Variants in RAB11FIP3 observed in about 807,000 individuals in gnomAD.
RAB11FIP3 encodes rab11 family-interacting protein 3.
RAB11FIP3 carries 17 observed loss-of-function variants against 77.8 expected under a neutral mutation model. The ratio of observed to expected loss-of-function variants is 0.22; its 90% CI spans 0.15 to 0.33. The LOEUF (loss-of-function observed/expected upper bound fraction) is 0.33. Among genes scored for constraint, RAB11FIP3 ranks in the 10% least tolerant of loss-of-function variants. The pLI is 1.00. For synonymous variants in RAB11FIP3, 437 were observed against 448.2 expected (o/e 0.98, Z 0.31); for missense variants, 1,005 against 1,011.2 (o/e 0.99, Z 0.08).
At chr16:484,993 G>A (rs1488039463) in intron 4 of RAB11FIP3, among the ~76,000 whole-genome samples, 1 of 152,118 alleles carries the variant, frequency 6.6e-6, no homozygotes, top group Non-Finnish European at 1.5e-5. Flanking sequence ...GGCATGCAGA[G>A]ACCCTGCCAC....
chr16:511,056 C>G (rs969874873), intron 9 of RAB11FIP3, among the ~76,000 whole-genome samples: 2 of 142,038 alleles, frequency 1.4e-5, no homozygotes, highest in African/African-American at 5.5e-5. Flanking sequence ...GAGAAGTTCC[C>G]CGACGGCCCG....
intron 1 of RAB11FIP3, among the ~76,000 whole-genome samples, chr16:436,556 A>G (rs2055131366): frequency 6.6e-6 from 1 of 152,062 alleles, no homozygotes; most frequent in Non-Finnish European, 1.5e-5. Context: ...ATCTGAGCTC[A>G]CTGCAAGCTC....
chr16:522,245 AATATATATATATATAT>A lies in RAB11FIP3; in HGVS notation c.*1419_*1434del, dbSNP rs57161308. ...AAGAGAAAACTGTGTATACACATGA[AATATATATATATATAT>A]ATATATATATATGTATAATATATAA... is the stretch of plus-strand genomic sequence containing the variant. On this transcript the variant is annotated 3_prime_UTR_variant, in exon 14 of 14. Transcript: ENST00000262305. The A allele has an allele frequency of 7.4e-6, 1 of 134,688 alleles. No homozygotes were observed. The highest frequency in any genetic ancestry group is 1.6e-5 in the Non-Finnish European group (1 of 62,622). The allele number at this position is 134,688 out of a possible 1,614,324, so 8.3% of individuals were successfully genotyped here. A position where few individuals can be genotyped will look rare whatever the true frequency, so the allele number is the denominator to read the frequency against.
At chr16:480,052 C>T (rs545858008) in intron 3 of RAB11FIP3, among the ~76,000 whole-genome samples, 2 of 152,090 alleles carry the variant, frequency 1.3e-5, no homozygotes, top group East Asian at 1.9e-4. Context: ...TTTGGGAGGC[C>T]GAGGCAGGTG....
At chr16:496,392 G>A (rs931833717) in intron 5 of RAB11FIP3, among the ~76,000 whole-genome samples, 1 of 152,272 alleles carries the variant, frequency 6.6e-6, no homozygotes, top group African/African-American at 2.4e-5. Flanking sequence ...TGAGCATGAT[G>A]CATCAGTGCC....
chr16:517,955 G>A lies in RAB11FIP3; in HGVS notation c.1641-988G>A, dbSNP rs550133695. 5.9e-5 allele frequency among the ~76,000 whole-genome samples: 9 copies of A among 152,060 alleles called. No homozygotes were observed. In the East Asian group the frequency reaches 1.4e-3, roughly 23 times the overall value. ...AAATTAGCCGGGTGTGGTGGCAGTC[G>A]CCTGTAGTCCCAGCTACTCGGGAGG... is the stretch of plus-strand genomic sequence containing the variant. On this transcript the variant is annotated intron_variant, in intron 9 of 13. Transcript: ENST00000262305.
intron 2 of RAB11FIP3, among the ~76,000 whole-genome samples, chr16:469,310 G>A (rs965865944): frequency 1.2e-4 from 18 of 152,082 alleles, no homozygotes; most frequent in African/African-American, 4.3e-4. Flanking sequence ...TCCTGAACTC[G>A]TGATCTGCCC....
Position 470,422 on chromosome 16 carries a change from C to T in RAB11FIP3, c.809-873C>T, listed in dbSNP as rs1490925137. Among the ~76,000 whole-genome samples the T allele has an allele frequency of 2.6e-5, 4 of 152,340 alleles. No individual in the cohort carries two copies. In the East Asian group the frequency reaches 5.8e-4, roughly 22 times the overall value. On this transcript the variant is annotated intron_variant, in intron 2 of 13. Coordinates refer to ENST00000262305, the MANE Select transcript of RAB11FIP3 (RefSeq NM_014700.4). ...TGCTGGGATTACAGGCATAGGCCAC[C>T]GTGCCTGGCCCCAACCTTCACTTTT...
At chr16:497,334 C>G (rs2031222495) in intron 6 of RAB11FIP3, 1 of 1,304,052 alleles carries the variant, frequency 7.7e-7, no homozygotes, top group Non-Finnish European at 1.0e-6. Context: ...AAGATGGCAA[C>G]ATACACTTTT....
At chr16:501,892 T>C (rs9673199) in intron 6 of RAB11FIP3, among the ~76,000 whole-genome samples, 7,771 of 140,368 alleles carry the variant, frequency 0.055, 300 homozygotes, top group African/African-American at 0.12. Context: ...CCCCCCATTT[T>C]ATAGGCAAGG....
chr16:441,728 A>C (rs972015147), intron 1 of RAB11FIP3, among the ~76,000 whole-genome samples: 2 of 152,140 alleles, frequency 1.3e-5, no homozygotes, highest in Admixed American at 1.3e-4. Flanking sequence ...CACACCAGGC[A>C]CCCTTCCTTC....
rs199664282 is a variant in RAB11FIP3, at chr16:447,228, C to CTAG, written c.715-14176_715-14175insTAG. ...GCTGAGGCAGGAGGATCACTTGAGGCCAGGAATTTGAGGCTTCAGTGAGCT... is the reference window on the plus strand; with the variant it reads ...GCTGAGGCAGGAGGATCACTTGAGGCTAGCAGGAATTTGAGGCTTCAGTGAGCT... On this transcript the variant is annotated intron_variant, in intron 1 of 13. Transcript: ENST00000262305. Among the ~76,000 whole-genome samples the CTAG allele has an allele frequency of 4.9e-3, 751 of 152,114 alleles. 4 individuals are homozygous for CTAG. The highest frequency in any genetic ancestry group is 0.017 in the African/African-American group (719 of 41,518).
chr16:496,382 T>C (rs1414421891), intron 5 of RAB11FIP3, among the ~76,000 whole-genome samples: 1 of 152,248 alleles, frequency 6.6e-6, no homozygotes, highest in African/African-American at 2.4e-5. Flanking sequence ...GCAGGCGTTC[T>C]GAGCATGATG....
At chr16:428,100 CA>C (rs10669000) in intron 1 of RAB11FIP3, among the ~76,000 whole-genome samples, 9 of 143,718 alleles carry the variant, frequency 6.3e-5, no homozygotes, top group Admixed American at 6.9e-5. Flanking sequence ...GACTTCGTCT[CA>C]AAAAAAAAAA....
chr16:427,828 G>C (rs894105694), intron 1 of RAB11FIP3, among the ~76,000 whole-genome samples: 1 of 152,084 alleles, frequency 6.6e-6, no homozygotes, highest in Non-Finnish European at 1.5e-5. Flanking sequence ...GGTCGGGCGC[G>C]GTGGCTCATG....
In RAB11FIP3 at chr16:482,694, T is replaced by C. The variant is rs538233252; in HGVS notation, c.1073T>C (p.Met358Thr). ...GTGCCCTCTGAGTGCCTGGACGCCA[T>C]GGAGGAGCCCGACCATGGTGCCCTG... ...SAVPSECLDA[M>T]EEPDHGALLL... The change falls in exon 4 of 14, where the codon ATG becomes ACG. Residue 358 changes from methionine (M) to threonine (T), a missense_variant. Met to Thr is a moderately conservative substitution (Grantham distance 81, BLOSUM62 -1). Around this residue, in one of 4 missense-constraint regions of RAB11FIP3, gnomAD observed 433 missense variants for 436.1 expected, o/e 0.99. Transcript: ENST00000262305. 109 of 1,611,778 alleles carry C rather than the reference T, an allele frequency of 6.8e-5. 1 individual carries two copies. The South Asian group carries it at 1.1e-3, about 16-fold the overall frequency.
intron 1 of RAB11FIP3, among the ~76,000 whole-genome samples, chr16:449,069 C>T (rs1003611773): frequency 6.7e-6 from 1 of 149,742 alleles, no homozygotes; most frequent in Non-Finnish European, 1.5e-5. Context: ...GAGACCACCA[C>T]ACTCTACACA....
intron 5 of RAB11FIP3, among the ~76,000 whole-genome samples, chr16:492,802 AT>A (rs1207424200): frequency 1.3e-5 from 2 of 151,908 alleles, no homozygotes. Flanking sequence ...CATAGAACTG[AT>A]TTTTTCCCAC....
At chr16:482,453 C>G in intron 3 of RAB11FIP3, 72 bp from the exon 4 acceptor site, 1 of 1,405,984 alleles carries the variant, frequency 7.1e-7, no homozygotes, top group Non-Finnish European at 1.0e-6. Flanking sequence ...GGCCTTGCAG[C>G]AGTGAGGTGT....
Sources: gnomAD v4.1 joint callset for allele counts (sites outside exome capture counted in the v4.1 genomes callset) on GRCh38, gnomAD v4.1.1 for gene constraint, gnomAD v4.1.1 regional missense constraint, MANE v1.5 for transcripts, NCBI Gene and HGNC (gene_info 2026-07-23, HGNC 2026-07-21) for gene names.